APH1B: variants seen among roughly 807,000 people sequenced by gnomAD.
APH1B encodes the protein aph-1B gamma-secretase subunit, also known as gamma-secretase subunit APH-1B.
In APH1B, 27 loss-of-function variants were observed where a neutral mutation model predicts 28.2. The observed-to-expected ratio is 0.96, with a 90% CI of 0.70 to 1.32. The LOEUF (loss-of-function observed/expected upper bound fraction) is 1.32. Ranked by LOEUF, APH1B falls within the 40% of genes most tolerant of loss-of-function variation. The pLI, the probability that APH1B is intolerant of heterozygous loss-of-function variation, is 0.00. For missense variants in APH1B, 305 were observed against 313.6 expected (o/e 0.97, Z 0.21); for synonymous variants, 141 against 124.6 (o/e 1.13, Z -0.88).
intron 1 of APH1B, chr15:63,277,946 TG>T: frequency 5.2e-6 from 3 of 575,102 alleles, no homozygotes; most frequent in Non-Finnish European, 9.2e-6. Context: ...GCCTTTTGCC[TG>T]GGGCTCATGG....
rs1011949498 is a variant in APH1B at position 63,307,924 on chromosome 15, A to C, written c.*2143A>C. On this transcript the variant is annotated 3_prime_UTR_variant, in exon 6 of 6. Transcript: ENST00000261879. ...GGAAATTATTTAATAATCCTTTGTT[A>C]CCTGTGAATGAAGGAACTTTGTAAT... is the stretch of plus-strand genomic sequence containing the variant. 3.9e-5 allele frequency: 6 copies of C among 152,208 alleles called. No individual in the cohort carries two copies. The highest frequency in any genetic ancestry group is 1.4e-4 in the African/African-American group (6 of 41,450). The allele number at this position is 152,208 out of a possible 1,614,324, so 9.4% of individuals were successfully genotyped here.
chr15:63,278,279 T>G (rs1176647724), intron 1 of APH1B: 1 of 456,302 alleles, frequency 2.2e-6, no homozygotes, highest in Admixed American at 2.4e-5. Flanking sequence ...TTTGGATGGT[T>G]CCGTTGTGCA....
rs553383517 is a variant in APH1B at position 63,304,830 on chromosome 15, G to A, written c.607-784G>A. ...TGAGTTAAAATTCAGTGGATTTGAG[G>A]TATAGAATTATTGTGAAGAATAATC... On this transcript the variant is annotated intron_variant, in intron 5 of 5. Coordinates refer to ENST00000261879, the MANE Select transcript of APH1B (RefSeq NM_031301.4). The surrounding 1 kb of genome is among the most constrained non-coding windows in gnomAD (Gnocchi z 5.1). Among the ~76,000 whole-genome samples, 3 of 152,306 alleles carry A rather than the reference G, an allele frequency of 2.0e-5. No individual in the cohort carries two copies. In the East Asian group the frequency reaches 5.8e-4, roughly 29 times the overall value.
rs199904531 is a variant in APH1B, at chr15:63,306,185, A to T, written c.*404A>T. On this transcript the variant is annotated 3_prime_UTR_variant, in exon 6 of 6. Transcript: ENST00000261879. ...TGGTCTTTAGCTGTCTCCTAACTCA[A>T]CTCGTGCTGAGCAAGTAAGTATCTG... The T allele has an allele frequency of 1.0e-4, 17 of 165,646 alleles. No homozygotes were observed. Among genetic ancestry groups the T allele is most frequent in the Admixed American group, 4.1e-4 (7 of 17,126 alleles). 10.3% of individuals were successfully genotyped at this position (165,646 alleles called of 1,614,324 possible). A position where few individuals can be genotyped will look rare whatever the true frequency, so the allele number is the denominator to read the frequency against.
At chr15:63,278,164 T>A in intron 1 of APH1B, 1 of 384,124 alleles carries the variant, frequency 2.6e-6, no homozygotes, top group Middle Eastern at 5.4e-4. Context: ...TGTGGCCAGG[T>A]GCTTTAAAAC....
chr15:63,290,383 G>A (rs778933037), intron 4 of APH1B, among the ~76,000 whole-genome samples: 1 of 152,108 alleles, frequency 6.6e-6, no homozygotes, highest in Non-Finnish European at 1.5e-5. Context: ...TCCTAGGTTC[G>A]AATCTTATCC....
chr15:63,282,383 TA>T (rs2038398064), intron 2 of APH1B, among the ~76,000 whole-genome samples: 1 of 152,196 alleles, frequency 6.6e-6, no homozygotes, highest in Non-Finnish European at 1.5e-5. Context: ...TGCAATCTAA[TA>T]ATAAATAATA....
intron 5 of APH1B, among the ~76,000 whole-genome samples, chr15:63,302,675 T>G (rs73447404): frequency 0.027 from 4,128 of 152,186 alleles, 187 homozygotes; most frequent in African/African-American, 0.094. Flanking sequence ...TATTGAAATA[T>G]TTTTTTCCCT....
intron 2 of APH1B, among the ~76,000 whole-genome samples, chr15:63,280,298 A>G (rs2038371599): frequency 6.6e-6 from 1 of 152,226 alleles, no homozygotes; most frequent in South Asian, 2.1e-4. Context: ...GAAACCACTG[A>G]TTTGAAACAC....
chr15:63,291,078 G>T (rs2038501478), intron 4 of APH1B, among the ~76,000 whole-genome samples: 1 of 151,520 alleles, frequency 6.6e-6, no homozygotes, highest in Non-Finnish European at 1.5e-5. Flanking sequence ...TTCAGGAAGG[G>T]CAGAAATAAC....
rs535041914 is a variant in APH1B, at chr15:63,304,772, G to A, written c.607-842G>A. The stretch of plus-strand genomic sequence containing the variant: ...GAAAAATGTTTTTTAAAGAAGAGAA[G>A]AACAATACAAAACAGTGCAGCACTC... On this transcript the variant is annotated intron_variant, in intron 5 of 5. Coordinates refer to ENST00000261879, the MANE Select transcript of APH1B (RefSeq NM_031301.4). This position sits in a 1 kb window ranked among gnomAD's most constrained non-coding sequence, Gnocchi z 5.1. Among the ~76,000 whole-genome samples the A allele has an allele frequency of 2.6e-5, 4 of 152,268 alleles. No individual in the cohort carries two copies. In the South Asian group the frequency reaches 8.3e-4, roughly 32 times the overall value.
chr15:63,278,242 G>GAA (rs11359006), intron 1 of APH1B: 726 of 425,794 alleles, frequency 1.7e-3, no homozygotes, highest in South Asian at 3.1e-3. Flanking sequence ...TCGGGCTTCA[G>GAA]AAAAAAAAAA....
At position 63,302,433 on chromosome 15, in the gene APH1B, C is replaced by T. The variant is rs147741123; in HGVS notation, c.567C>T (p.Leu189=). The T allele has an allele frequency of 1.6e-4, 264 of 1,613,998 alleles. 2 individuals carry two copies. Among genetic ancestry groups the T allele is most frequent in the Middle Eastern group, 9.9e-4 (6 of 6,050 alleles). ...DGCEKKKWGI[L]LIVLLTHLLV... ...GTGAGAAGAAAAAGTGGGGCATCCT[C>T]CTTATCGTTCTCCTGACCCACCTGC... Residue 189 remains leucine, a synonymous_variant, in exon 5 of 6, where the codon CTC becomes CTT. Transcript: ENST00000261879.
In APH1B at chr15:63,281,534, G is replaced by GAA. The variant is rs58991721; in HGVS notation, c.284+2219_284+2220dup. Among the ~76,000 whole-genome samples, 809 of 115,292 alleles carry GAA rather than the reference G, an allele frequency of 7.0e-3. 11 individuals carry two copies. The highest frequency in any genetic ancestry group is 0.022 in the African/African-American group (726 of 32,984). 75.6% of individuals were successfully genotyped at this position (115,292 alleles called of 152,430 possible). ...ATTTTCATGCCATGGGTCTAATTTT[G>GAA]AAAAAAAAAAAAAAAAACAAAAAAA... On this transcript the variant is annotated intron_variant, in intron 2 of 5. Transcript: ENST00000261879.
At chr15:63,286,467 G>C (rs1380269635) in intron 2 of APH1B, 91 bp from the exon 3 acceptor site, 4 of 1,018,262 alleles carry the variant, frequency 3.9e-6, no homozygotes, top group Non-Finnish European at 5.7e-6. Flanking sequence ...TGAGTATCTG[G>C]GTTTGAAGTG....
At chr15:63,286,879 C>T (rs2038452572) in intron 3 of APH1B, among the ~76,000 whole-genome samples, 1 of 152,134 alleles carries the variant, frequency 6.6e-6, no homozygotes, top group Non-Finnish European at 1.5e-5. Context: ...TGTGTATGTA[C>T]CCTAGTTAAC....
intron 4 of APH1B, among the ~76,000 whole-genome samples, chr15:63,294,301 C>T (rs377435775): frequency 1.8e-4 from 27 of 152,126 alleles, no homozygotes; most frequent in African/African-American, 2.9e-4. Flanking sequence ...AAAAAAAATC[C>T]CACTATTTCC....
chr15:63,301,992 A>G (rs1472753453), intron 4 of APH1B, among the ~76,000 whole-genome samples: 1 of 152,250 alleles, frequency 6.6e-6, no homozygotes, highest in Admixed American at 6.5e-5. Context: ...TTGTTTAAAC[A>G]GAAGATACTC....
At chr15:63,303,874 A>ACAACACACACAC (rs374335586) in intron 5 of APH1B, among the ~76,000 whole-genome samples, 33 of 145,698 alleles carry the variant, frequency 2.3e-4, no homozygotes, top group African/African-American at 8.4e-4. Flanking sequence ...ACACACACAC[A>ACAACACACACAC]ACACACACAC....
Sources: allele counts gnomAD v4.1 joint callset (sites outside exome capture counted in the v4.1 genomes callset), GRCh38; gene constraint gnomAD v4.1.1; non-coding constraint Gnocchi (gnomAD v3.1); transcripts MANE v1.5; gene names NCBI Gene and HGNC (gene_info 2026-07-23, HGNC 2026-07-21).